Variants in SLC11A1 observed in about 807,000 individuals in gnomAD.
SLC11A1 encodes natural resistance-associated macrophage protein 1.
SLC11A1 carries 59 observed loss-of-function variants against 63.2 expected under a neutral mutation model. That is an observed-to-expected ratio of 0.93 (90% CI 0.76 to 1.16). The LOEUF is 1.16. Among genes scored for constraint, SLC11A1 ranks in the 50% most tolerant of loss-of-function variants. The pLI is 0.00. For missense variants in SLC11A1, 688 were observed against 730.7 expected (o/e 0.94, Z 0.67); for synonymous variants, 305 against 307.8 (o/e 0.99, Z 0.09).
rs138562502 is a variant in SLC11A1, at chr2:218,389,104, A to AAATAATAATAATAATAATAAT, written c.796-759_796-739dup. On this transcript the variant is annotated intron_variant, in intron 8 of 14. Transcript: ENST00000233202. Reference sequence around the variant, plus strand: ...TCAGTGACACAGTGAGACCCTGTCAAAATAATAATAATAATAATAATAATA... The same window carrying AAATAATAATAATAATAATAAT: ...TCAGTGACACAGTGAGACCCTGTCAAAATAATAATAATAATAATAATAATAATAATAATAATAATAATAATA... 3.6e-4 allele frequency among the ~76,000 whole-genome samples: 53 copies of AAATAATAATAATAATAATAAT among 147,700 alleles called. 2 individuals are homozygous for AAATAATAATAATAATAATAAT. Among genetic ancestry groups the AAATAATAATAATAATAATAAT allele is most frequent in the African/African-American group, 1.0e-4 (4 of 39,850 alleles).
intron 8 of SLC11A1, chr2:218,388,165 C>A: frequency 1.8e-6 from 1 of 568,072 alleles, no homozygotes; most frequent in South Asian, 2.2e-5. Context: ...GTCAAGAGAT[C>A]GACACCATCC....
Position 218,390,047 on chromosome 2 carries a change from C to A in SLC11A1, c.954+19C>A. On this transcript the variant is annotated intron_variant, in intron 9 of 14. Coordinates refer to ENST00000233202, the MANE Select transcript of SLC11A1 (RefSeq NM_000578.4). Reference sequence around the variant, plus strand: ...GGCTGCGGTGAGACACACTTTCCCCCGCACCTGAGGCCACACACGTACTCA... The same window carrying A: ...GGCTGCGGTGAGACACACTTTCCCCAGCACCTGAGGCCACACACGTACTCA... 1 of 1,600,720 alleles carries A rather than the reference C, an allele frequency of 6.2e-7. No individual in the cohort carries two copies. Among genetic ancestry groups the A allele is most frequent in the Non-Finnish European group, 8.5e-7 (1 of 1,172,926 alleles).
Position 218,389,789 on chromosome 2 carries a change from G to A in SLC11A1, c.796-81G>A, listed in dbSNP as rs1696323248. On this transcript the variant is annotated intron_variant, in intron 8 of 14. Transcript: ENST00000233202. ...TTAAGAAGGTACTGGGCTTTGGGGAGAACATAGAAGTGTGAGGGTGGGGGA... is the reference window on the plus strand; with the variant it reads ...TTAAGAAGGTACTGGGCTTTGGGGAAAACATAGAAGTGTGAGGGTGGGGGA... 4 of 1,447,566 alleles carry A rather than the reference G, an allele frequency of 2.8e-6. No individual in the cohort carries two copies. The South Asian group carries it at 5.4e-5, about 19-fold the overall frequency. 89.7% of individuals were successfully genotyped at this position (1,447,566 alleles called of 1,614,324 possible). A position where few individuals can be genotyped will look rare whatever the true frequency, so the allele number is the denominator to read the frequency against.
intron 2 of SLC11A1, chr2:218,383,874 G>A (rs553089310): frequency 7.3e-4 from 119 of 162,162 alleles, no homozygotes; most frequent in Middle Eastern, 2.9e-3. Context: ...AGGAGGCCCC[G>A]TGGTCTGAAA....
rs779388431 is a variant in SLC11A1 at position 218,385,309 on chromosome 2, A to T, written c.393+43A>T. The T allele has an allele frequency of 1.2e-5, 20 of 1,612,966 alleles. 1 individual carries two copies. In the East Asian group the frequency reaches 4.5e-4, roughly 36 times the overall value. On this transcript the variant is annotated intron_variant, in intron 4 of 14. Transcript: ENST00000233202. ...GGACAGGGAGAACCACTGGCCCCAAACCCCAAACAGCCATTTTCAGCTTCC... is the reference window on the plus strand; with the variant it reads ...GGACAGGGAGAACCACTGGCCCCAATCCCCAAACAGCCATTTTCAGCTTCC...
intron 13 of SLC11A1, 52 bp downstream of exon 13, chr2:218,394,245 A>C: frequency 1.3e-6 from 2 of 1,542,526 alleles, no homozygotes; most frequent in South Asian, 1.1e-5. Flanking sequence ...TTTCATCCTC[A>C]CAGCCACCCA....
chr2:218,385,628 T>A, intron 4 of SLC11A1: 1 of 370,262 alleles, frequency 2.7e-6, no homozygotes, highest in South Asian at 2.0e-5. Context: ...TGACCTCAGA[T>A]GATCCACCCA....
intron 8 of SLC11A1, 38 bp from the exon 9 acceptor site, chr2:218,389,832 G>T (rs372784608): frequency 1.9e-4 from 304 of 1,580,480 alleles, no homozygotes; most frequent in Non-Finnish European, 2.5e-4. Context: ...GTGGCTCTGA[G>T]GGACTTTGGC....
Position 218,391,476 on chromosome 2 carries a change from C to G in SLC11A1, c.1145C>G (p.Ala382Gly). The part of the protein sequence containing the change: ...GQSSTMTGTY[A>G]GQFVMEGFLR... ...AGCTCCACCATGACGGGCACCTACG[C>G]GGGACAGTTCGTGATGGAGGTAGGG... The change falls in exon 11 of 15, where the codon GCG becomes GGG. Residue 382 changes from alanine to glycine, a missense_variant. Coordinates refer to ENST00000233202, the MANE Select transcript of SLC11A1 (RefSeq NM_000578.4). The G allele has an allele frequency of 6.2e-7, 1 of 1,601,920 alleles. No homozygotes were observed. Among genetic ancestry groups the G allele is most frequent in the Non-Finnish European group, 8.5e-7 (1 of 1,174,554 alleles).
chr2:218,394,515 A>C, intron 13 of SLC11A1, 117 bp from the exon 14 acceptor site: 4 of 1,164,756 alleles, frequency 3.4e-6, no homozygotes, highest in East Asian at 2.4e-5. Context: ...CCCACAGACC[A>C]GAGAAGCGGC....
chr2:218,385,123 AG>A, intron 3 of SLC11A1, 23 bp from the exon 4 acceptor site: 3 of 1,612,616 alleles, frequency 1.9e-6, no homozygotes, highest in Non-Finnish European at 2.5e-6. Flanking sequence ...CTCTGGCTGA[AG>A]GCCTCTCCCT....
Position 218,393,114 on chromosome 2 carries a change from T to A in SLC11A1, c.1298T>A (p.Val433Glu). Reference sequence around the variant, plus strand: ...TCGGGCCTCAATGATCTGCTCAACGTGCTGCAGAGCCTGCTGGTGAGATGC... The same window carrying A: ...TCGGGCCTCAATGATCTGCTCAACGAGCTGCAGAGCCTGCTGGTGAGATGC... ...DLSGLNDLLN[V>E]LQSLLLPFAV... The change falls in exon 12 of 15, where the codon GTG becomes GAG. Residue 433 changes from valine to glutamate, a missense_variant. By Grantham distance (121) the Val-to-Glu change is moderately radical. Coordinates refer to ENST00000233202, the MANE Select transcript of SLC11A1 (RefSeq NM_000578.4). 1 of 1,583,020 alleles carries A rather than the reference T, an allele frequency of 6.3e-7. No homozygotes were observed. The highest frequency in any genetic ancestry group is 8.5e-7 in the Non-Finnish European group (1 of 1,170,252).
In SLC11A1 at chr2:218,385,207, C is replaced by G; in HGVS notation, c.334C>G (p.Arg112Gly). 6.2e-7 allele frequency: 1 copy of G among 1,614,030 alleles called. No individual in the cohort carries two copies. Among genetic ancestry groups the G allele is most frequent in the South Asian group, 1.1e-5 (1 of 91,086 alleles). Residue 112 changes from arginine to glycine, a missense_variant, in exon 4 of 15, where the codon CGT (arginine) becomes GGT (glycine). Arg to Gly is a moderately radical substitution (Grantham distance 125). Transcript: ENST00000233202. ...LGLLCQRLAA[R>G]LGVVTGKDLG... ...CTTGCTCTGCCAGCGACTGGCTGCA[C>G]GTCTGGGCGTGGTGACAGGCAAGGA...
In SLC11A1 at chr2:218,391,277, T is replaced by A; in HGVS notation, c.1034T>A (p.Ile345Asn). ...AACAACGCCACCGTGGCCGTGGACA[T>A]TTACCAGGGGGTGAGCGCGGGTGGG... is the stretch of plus-strand genomic sequence containing the variant. The part of the protein sequence containing the change: ...PMNNATVAVD[I>N]YQGGVILGCL... Residue 345 changes from isoleucine (I) to asparagine (N), a missense_variant, in exon 10 of 15, where the codon ATT becomes AAT. Ile to Asn is a moderately radical substitution (Grantham distance 149). Coordinates refer to ENST00000233202, the MANE Select transcript of SLC11A1 (RefSeq NM_000578.4). 1.2e-6 allele frequency: 2 copies of A among 1,613,916 alleles called. No homozygotes were observed. Among genetic ancestry groups the A allele is most frequent in the Non-Finnish European group, 1.7e-6 (2 of 1,179,898 alleles).
chr2:218,388,251 C>T (rs1696225600), intron 8 of SLC11A1: 1 of 319,046 alleles, frequency 3.1e-6, no homozygotes, highest in Non-Finnish European at 5.8e-6. Context: ...GCCTGTAGTC[C>T]CAGCGGCTCG....
chr2:218,387,570 C>A lies in SLC11A1; in HGVS notation c.577C>A (p.Arg193=), dbSNP rs1189029334. 5 of 1,614,144 alleles carry A rather than the reference C, an allele frequency of 3.1e-6. No homozygotes were observed. In the East Asian group the frequency reaches 8.9e-5, roughly 29 times the overall value. ...FFLFLDNYGL[R]KLEAFFGLLI... ...TTGTTTGTTCTGCTCCGTAGGGCTG[C>A]GGAAGCTGGAAGCTTTTTTTGGACT... The change falls in exon 7 of 15, where the codon CGG becomes AGG. Residue 193 remains arginine, a synonymous_variant. Coordinates refer to ENST00000233202, the MANE Select transcript of SLC11A1 (RefSeq NM_000578.4).
chr2:218,394,205 C>G lies in SLC11A1; in HGVS notation c.1388+12C>G. 6.2e-7 allele frequency: 1 copy of G among 1,613,456 alleles called. No homozygotes were observed. Among genetic ancestry groups the G allele is most frequent in the Non-Finnish European group, 8.5e-7 (1 of 1,179,400 alleles). ...TTTGCCAATGGCCTGTGAGTACCCC[C>G]TTTCCCAAGTGCTGGATTGCATCAC... is the stretch of plus-strand genomic sequence containing the variant. On this transcript the variant is annotated intron_variant, in intron 13 of 14. Transcript: ENST00000233202.
intron 4 of SLC11A1, among the ~76,000 whole-genome samples, chr2:218,386,279 C>T (rs940963009): frequency 6.6e-6 from 1 of 152,024 alleles, no homozygotes; most frequent in Admixed American, 6.6e-5. Context: ...ATGGAGAAAC[C>T]CCGTCTCTAC....
rs543921219 is a variant in SLC11A1, at chr2:218,392,788, G to C, written c.1165-193G>C. On this transcript the variant is annotated intron_variant, in intron 11 of 14. Transcript: ENST00000233202. ...AAAACTGTTTAGTCTTCAGCAACCA[G>C]CTATGGGATGGGAGCTCCCCATTTC... The C allele has an allele frequency of 1.0e-5, 5 of 501,028 alleles. No homozygotes were observed. The East Asian group carries it at 1.8e-4, about 18-fold the overall frequency. The allele number at this position is 501,028 out of a possible 1,614,324, so 31.0% of individuals were successfully genotyped here. A position where few individuals can be genotyped will look rare whatever the true frequency, so the allele number is the denominator to read the frequency against.
Sources: gnomAD v4.1 joint callset for allele counts (sites outside exome capture counted in the v4.1 genomes callset) on GRCh38, gnomAD v4.1.1 for gene constraint, MANE v1.5 for transcripts, NCBI Gene and HGNC (gene_info 2026-07-23, HGNC 2026-07-21) for gene names.